Variants in USP15 observed in about 807,000 individuals in gnomAD.
USP15 encodes ubiquitin carboxyl-terminal hydrolase 15.
Under a neutral mutation model 127.1 loss-of-function variants are expected in USP15, and 18 were observed. The ratio of observed to expected loss-of-function variants is 0.14; its 90% confidence interval spans 0.10 to 0.21. USP15 has a LOEUF of 0.21. Ranked by LOEUF, USP15 falls within the 10% of genes least tolerant of loss-of-function variation. The pLI, the probability that USP15 is intolerant of heterozygous loss-of-function variation, is 1.00. For missense variants in USP15, 805 were observed against 1,159.9 expected (o/e 0.69, Z 4.44); for synonymous variants, 364 against 393.7 (o/e 0.92, Z 0.89).
intron 1 of USP15, among the ~76,000 whole-genome samples, chr12:62,268,881 C>T (rs1031422701): frequency 5.3e-5 from 8 of 152,056 alleles, no homozygotes; most frequent in African/African-American, 1.9e-4. Context: ...GAACCTCATA[C>T]CCATTAATAG....
chr12:62,393,225 A>G (rs1261037780), intron 19 of USP15, 23 bp downstream of exon 19: 2 of 1,604,474 alleles, frequency 1.2e-6, no homozygotes, highest in Non-Finnish European at 1.7e-6. Context: ...TGTACTTTAT[A>G]AGCATTGGGC....
In USP15 at chr12:62,406,465, A is replaced by G. The variant is rs1168987640; in HGVS notation, c.*2090A>G. The G allele has an allele frequency of 6.6e-6, 1 of 152,212 alleles. No homozygotes were observed. Among genetic ancestry groups the G allele is most frequent in the Admixed American group, 6.5e-5 (1 of 15,276 alleles). The allele number at this position is 152,212 out of a possible 1,614,324, so 9.4% of individuals were successfully genotyped here. A position where few individuals can be genotyped will look rare whatever the true frequency, so the allele number is the denominator to read the frequency against. ...AGATTTAAAGAAAAGTCAAAGCTAA[A>G]TCTTTTAAACCTATATTGTGGTCTC... On this transcript the variant is annotated 3_prime_UTR_variant, in exon 22 of 22. Coordinates refer to ENST00000280377, the MANE Select transcript of USP15 (RefSeq NM_001252078.2).
At chr12:62,349,182 CA>C (rs1313644898) in intron 6 of USP15, 38 bp from the exon 7 acceptor site, 1 of 1,208,852 alleles carries the variant, frequency 8.3e-7, no homozygotes. Context: ...AAAAATTCTT[CA>C]TTTTTTTATC....
chr12:62,367,171 T>C (rs2066504946), intron 8 of USP15, among the ~76,000 whole-genome samples: 1 of 152,086 alleles, frequency 6.6e-6, no homozygotes, highest in Non-Finnish European at 1.5e-5. Context: ...TCCTGGAATG[T>C]TTTTGGTAGG....
intron 1 of USP15, among the ~76,000 whole-genome samples, chr12:62,276,556 TCACTCATATAAAATCATATATGAGATAA>T (rs2063496006): frequency 6.6e-6 from 1 of 152,104 alleles, no homozygotes; most frequent in Admixed American, 6.6e-5. Flanking sequence ...ATATGAGATA[TCACTCATATAAAATCATATATGAGATAA>T]CACTCATTAT....
intron 8 of USP15, among the ~76,000 whole-genome samples, chr12:62,378,018 C>A (rs1485392981): frequency 1.3e-5 from 2 of 152,052 alleles, no homozygotes; most frequent in Non-Finnish European, 2.9e-5. Flanking sequence ...ACCAGCCTGG[C>A]CAACATGGCG....
intron 8 of USP15, among the ~76,000 whole-genome samples, chr12:62,379,152 C>G (rs538577487): frequency 6.6e-6 from 1 of 150,800 alleles, no homozygotes; most frequent in Non-Finnish European, 1.5e-5. Context: ...AGGGAGGCTT[C>G]CCAGATAGGA....
At chr12:62,357,490 T>A (rs774833253) in intron 8 of USP15, among the ~76,000 whole-genome samples, 7 of 152,096 alleles carry the variant, frequency 4.6e-5, no homozygotes, top group Non-Finnish European at 1.0e-4. Context: ...TATTTTACCA[T>A]CACGTATTCC....
At chr12:62,355,123 GTTATT>G (rs941646756) in intron 7 of USP15, 11 of 408,306 alleles carry the variant, frequency 2.7e-5, no homozygotes, top group Non-Finnish European at 4.3e-5. Flanking sequence ...GTATATGAGA[GTTATT>G]TTGTTGATTG....
Position 62,335,385 on chromosome 12 carries a change from T to C in USP15, c.683+9452T>C, listed in dbSNP as rs2065429997. 2.8e-6 allele frequency: 4 copies of C among 1,408,364 alleles called. No individual in the cohort carries two copies. The South Asian group carries it at 6.5e-5, about 23-fold the overall frequency. The allele number at this position is 1,408,364 out of a possible 1,614,324, so 87.2% of individuals were successfully genotyped here. ...GATGCGTTATCACTCAACAGTAATG[T>C]CTGCAACAGTATTGTAAAATTGTTG... is the stretch of plus-strand genomic sequence containing the variant. On this transcript the variant is annotated intron_variant, in intron 6 of 21. Transcript: ENST00000280377.
intron 19 of USP15, 128 bp downstream of exon 19, chr12:62,393,330 T>G: frequency 9.2e-7 from 1 of 1,085,556 alleles, no homozygotes; most frequent in East Asian, 2.6e-5. Flanking sequence ...AAGTTTGTTT[T>G]TGAGTAGTTC....
intron 4 of USP15, among the ~76,000 whole-genome samples, chr12:62,319,803 T>A (rs1440297588): frequency 6.6e-6 from 1 of 152,236 alleles, no homozygotes; most frequent in African/African-American, 2.4e-5. Flanking sequence ...TCAACAGTGG[T>A]TATATCTAGG....
intron 3 of USP15, chr12:62,303,560 A>G (rs890773278): frequency 1.3e-5 from 2 of 151,946 alleles, no homozygotes; most frequent in Admixed American, 6.6e-5. Flanking sequence ...AAGGGACCAA[A>G]ATCTCTTGGC....
chr12:62,305,391 T>A (rs2064453628), intron 3 of USP15, among the ~76,000 whole-genome samples: 2 of 152,102 alleles, frequency 1.3e-5, no homozygotes, highest in Non-Finnish European at 2.9e-5. Flanking sequence ...CAATGGACTT[T>A]GATATGTTAA....
At chr12:62,304,159 A>G (rs2064407588) in intron 3 of USP15, among the ~76,000 whole-genome samples, 1 of 152,110 alleles carries the variant, frequency 6.6e-6, no homozygotes, top group East Asian at 1.9e-4. Context: ...TCAACTACCA[A>G]TTTCATTGCC....
At chr12:62,385,044 T>C (rs1278690868) in intron 11 of USP15, among the ~76,000 whole-genome samples, 1 of 151,956 alleles carries the variant, frequency 6.6e-6, no homozygotes, top group African/African-American at 2.4e-5. Flanking sequence ...CCCTAAATTC[T>C]AACACTTAAC....
At position 62,321,699 on chromosome 12, in the gene USP15, G is replaced by A. The variant is rs1236407117; in HGVS notation, c.621+90G>A. 9 of 1,097,870 alleles carry A rather than the reference G, an allele frequency of 8.2e-6. No homozygotes were observed. The East Asian group carries it at 2.4e-4, about 29-fold the overall frequency. The allele number at this position is 1,097,870 out of a possible 1,614,324, so 68.0% of individuals were successfully genotyped here. A position where few individuals can be genotyped will look rare whatever the true frequency, so the allele number is the denominator to read the frequency against. On this transcript the variant is annotated intron_variant, in intron 5 of 21. Coordinates refer to ENST00000280377, the MANE Select transcript of USP15 (RefSeq NM_001252078.2). ...TTATCCTGGCAATATATAATGGGCT[G>A]TACTGTTTCTGGCTTCCTCTTTCTA...
At chr12:62,283,218 T>C (rs1351035823) in intron 1 of USP15, among the ~76,000 whole-genome samples, 1 of 152,218 alleles carries the variant, frequency 6.6e-6, no homozygotes. Context: ...ATTCCAGGTT[T>C]GTTCAGAAGA....
At chr12:62,286,650 A>T (rs932706625) in intron 1 of USP15, among the ~76,000 whole-genome samples, 4 of 152,178 alleles carry the variant, frequency 2.6e-5, no homozygotes, top group Admixed American at 2.6e-4. Flanking sequence ...AGAAAATGTG[A>T]TACATGGCCG....
Sources: allele counts gnomAD v4.1 joint callset (sites outside exome capture counted in the v4.1 genomes callset), GRCh38; gene constraint gnomAD v4.1.1; transcripts MANE v1.5; gene names NCBI Gene and HGNC (gene_info 2026-07-23, HGNC 2026-07-21).